Variants in MYH10 observed in about 807,000 individuals in gnomAD.
The protein encoded by MYH10 is myosin heavy chain 10, also known as myosin-10.
MYH10 carries 55 observed loss-of-function variants against 257.8 expected under a neutral mutation model. The ratio of observed to expected loss-of-function variants is 0.21; its 90% CI spans 0.17 to 0.27. MYH10 has a LOEUF of 0.27. Ranked by LOEUF, MYH10 falls within the 10% of genes least tolerant of loss-of-function variation. The probability of loss-of-function intolerance (pLI) is 1.00; values close to 1 mark genes in which losing one functional copy is unlikely to be tolerated. For missense variants in MYH10, 1,631 were observed against 2,500.6 expected, an observed-to-expected ratio of 0.65 and a Z score of 7.42; for synonymous variants, 854 against 921.7, an observed-to-expected ratio of 0.93 and a Z score of 1.33.
chr17:8,562,638 C>CA (rs2083035714), intron 7 of MYH10, among the ~76,000 whole-genome samples: 1 of 152,134 alleles, frequency 6.6e-6, no homozygotes. Context: ...GGAAAACCCC[C>CA]AAAACGTGAC....
intron 6 of MYH10, among the ~76,000 whole-genome samples, chr17:8,573,263 A>T (rs2083405712): frequency 6.6e-6 from 1 of 152,178 alleles, no homozygotes; most frequent in Non-Finnish European, 1.5e-5. Flanking sequence ...CCGCAAGGGG[A>T]CTCAGGCTGA....
At chr17:8,580,445 C>A (rs2083662226) in intron 4 of MYH10, among the ~76,000 whole-genome samples, 2 of 151,346 alleles carry the variant, frequency 1.3e-5, no homozygotes, top group Non-Finnish European at 2.9e-5. Context: ...CCTGTGTCTC[C>A]CAGGTATAAG....
At chr17:8,548,170 G>A (rs537554852) in intron 11 of MYH10, 143 bp downstream of exon 11, 17 of 586,048 alleles carry the variant, frequency 2.9e-5, no homozygotes, top group African/African-American at 5.7e-5. Flanking sequence ...AGGAACCCTC[G>A]TGTAAATACA....
chr17:8,622,572 T>C (rs1337734911), intron 2 of MYH10, among the ~76,000 whole-genome samples: 1 of 152,224 alleles, frequency 6.6e-6, no homozygotes, highest in Non-Finnish European at 1.5e-5. Flanking sequence ...GTCCAATTAA[T>C]GCAACTCTCT....
At chr17:8,511,955 C>T (rs1248475710) in intron 24 of MYH10, among the ~76,000 whole-genome samples, 1 of 152,212 alleles carries the variant, frequency 6.6e-6, no homozygotes, top group African/African-American at 2.4e-5. Flanking sequence ...AAAAATTGTG[C>T]CTCATGAGTA....
chr17:8,481,296 C>G (rs1046634573), intron 38 of MYH10, 26 bp downstream of exon 38: 17 of 1,610,318 alleles, frequency 1.1e-5, no homozygotes, highest in Middle Eastern at 1.7e-4. Context: ...GGGCGAAGAA[C>G]CCACCCCCGG....
chr17:8,502,416 AT>A (rs1467229517), intron 28 of MYH10, among the ~76,000 whole-genome samples: 1 of 151,946 alleles, frequency 6.6e-6, no homozygotes, highest in African/African-American at 2.4e-5. Context: ...TCCCATCGAG[AT>A]TGTTTCAGCT....
chr17:8,583,294 G>A (rs2083776404), intron 4 of MYH10, among the ~76,000 whole-genome samples: 1 of 152,086 alleles, frequency 6.6e-6, no homozygotes, highest in Non-Finnish European at 1.5e-5. Flanking sequence ...CCATAACATA[G>A]ATGTCATCGA....
intron 12 of MYH10, among the ~76,000 whole-genome samples, 169 bp downstream of exon 12, chr17:8,546,375 G>A (rs375486616): frequency 5.5e-5 from 8 of 146,072 alleles, no homozygotes; most frequent in South Asian, 2.3e-4. Context: ...AAATTTTTTC[G>A]AAAACGAAAA....
chr17:8,618,514 C>T (rs776980805), intron 2 of MYH10, among the ~76,000 whole-genome samples: 8 of 152,226 alleles, frequency 5.3e-5, no homozygotes, highest in Non-Finnish European at 1.0e-4. Context: ...GCTGGGATTA[C>T]AGGCGTTAGT....
intron 17 of MYH10, among the ~76,000 whole-genome samples, chr17:8,522,233 G>A (rs952179707): frequency 4.6e-5 from 7 of 152,290 alleles, no homozygotes; most frequent in Non-Finnish European, 1.0e-4. Flanking sequence ...TCTTTCATTT[G>A]TTTCCTTTGA....
chr17:8,495,281 CA>C (rs1916408234), intron 30 of MYH10, 40 bp from the exon 31 acceptor site: 1 of 1,299,078 alleles, frequency 7.7e-7, no homozygotes, highest in Non-Finnish European at 1.1e-6. Flanking sequence ...CAATAGTAAG[CA>C]AGCAGAAAGG....
intron 33 of MYH10, 119 bp downstream of exon 33, chr17:8,492,656 CT>C: frequency 1.6e-6 from 2 of 1,242,060 alleles, no homozygotes; most frequent in South Asian, 1.7e-5. Context: ...TTTGCTTTCC[CT>C]TTTTCCAATT....
intron 7 of MYH10, among the ~76,000 whole-genome samples, chr17:8,557,213 A>G (rs1204675572): frequency 6.6e-6 from 1 of 152,216 alleles, no homozygotes; most frequent in Non-Finnish European, 1.5e-5. Flanking sequence ...ATTTTAAAAA[A>G]AGAAAAGAGG....
chr17:8,541,365 T>A lies in MYH10; in HGVS notation c.1605+742A>T, dbSNP rs76823242. Reference sequence around the variant, plus strand: ...CGTTACAGATATCGGTGGTTAATCATGTTTTAGTTTTTCTTATATTTTGGC... The same window carrying A: ...CGTTACAGATATCGGTGGTTAATCAAGTTTTAGTTTTTCTTATATTTTGGC... On this transcript the variant is annotated intron_variant, in intron 14 of 42. Coordinates refer to ENST00000360416, the MANE Select transcript of MYH10 (RefSeq NM_001256012.3). Among the ~76,000 whole-genome samples the A allele has an allele frequency of 3.3e-5, 5 of 152,336 alleles. No individual in the cohort carries two copies. In the East Asian group the frequency reaches 9.6e-4, roughly 29 times the overall value.
chr17:8,595,009 A>C (rs1458385351), intron 3 of MYH10, among the ~76,000 whole-genome samples: 5 of 152,210 alleles, frequency 3.3e-5, no homozygotes, highest in Admixed American at 2.0e-4. Flanking sequence ...CAAAAACTGA[A>C]AACAATCTAA....
At chr17:8,486,463 C>T (rs1296802946) in intron 36 of MYH10, among the ~76,000 whole-genome samples, 4 of 149,928 alleles carry the variant, frequency 2.7e-5, no homozygotes, top group Admixed American at 6.7e-5. Flanking sequence ...ATGACTGCAC[C>T]ACCATACTTC....
intron 35 of MYH10, among the ~76,000 whole-genome samples, chr17:8,489,766 GC>G (rs1489429591): frequency 7.7e-6 from 1 of 129,118 alleles, no homozygotes; most frequent in African/African-American, 3.2e-5. Flanking sequence ...AAAACTTACT[GC>G]CATGAACTGG....
intron 3 of MYH10, 65 bp from the exon 4 acceptor site, chr17:8,589,173 G>C: frequency 6.5e-7 from 1 of 1,547,476 alleles, no homozygotes; most frequent in Non-Finnish European, 8.9e-7. Context: ...TAAAATATTT[G>C]ATATAATAAA....
Sources: allele counts gnomAD v4.1 joint callset (sites outside exome capture counted in the v4.1 genomes callset), GRCh38; gene constraint gnomAD v4.1.1; transcripts MANE v1.5; gene names NCBI Gene and HGNC (gene_info 2026-07-23, HGNC 2026-07-21).